Variants in GSAP observed in about 807,000 individuals in gnomAD.
GSAP encodes the protein gamma-secretase-activating protein.
GSAP carries 118 observed loss-of-function variants against 131.7 expected under a neutral mutation model. The ratio of observed to expected loss-of-function variants is 0.90; its 90% CI spans 0.77 to 1.04. GSAP has a LOEUF of 1.04. Ranked by LOEUF, GSAP falls within the 50% of genes least tolerant of loss-of-function variation. The pLI is 0.00. For missense variants in GSAP, 1,019 were observed against 1,013.2 expected, an observed-to-expected ratio of 1.01 and a Z score of -0.08; for synonymous variants, 381 against 363.4, an observed-to-expected ratio of 1.05 and a Z score of -0.55.
chr7:77,381,277 T>C (rs1350761737), intron 8 of GSAP, 28 bp downstream of exon 8: 3 of 1,407,088 alleles, frequency 2.1e-6, no homozygotes, highest in African/African-American at 1.5e-5. Context: ...AAAAAACCTA[T>C]GAAGCGAAAA....
intron 3 of GSAP, among the ~76,000 whole-genome samples, chr7:77,397,902 T>C (rs1489003067): frequency 6.6e-6 from 1 of 152,212 alleles, no homozygotes; most frequent in Non-Finnish European, 1.5e-5. Flanking sequence ...TCAGTAATCA[T>C]TAGTTTTCTT....
At chr7:77,319,171 T>C (rs1008698236) in intron 26 of GSAP, among the ~76,000 whole-genome samples, 14 of 152,114 alleles carry the variant, frequency 9.2e-5, no homozygotes, top group Admixed American at 3.9e-4. Flanking sequence ...AGAGTTAATA[T>C]CTAAAACATA....
intron 18 of GSAP, 56 bp downstream of exon 18, chr7:77,352,888 G>C: frequency 1.0e-6 from 1 of 1,003,912 alleles, no homozygotes; most frequent in Admixed American, 1.8e-5. Flanking sequence ...TCCAACAACT[G>C]ACCCACAACT....
At chr7:77,393,819 G>C (rs549155572) in intron 5 of GSAP, among the ~76,000 whole-genome samples, 1 of 151,784 alleles carries the variant, frequency 6.6e-6, no homozygotes. Flanking sequence ...GATTACAGGC[G>C]TGTGCCACCA....
At chr7:77,405,099 G>A (rs1583912881) in intron 2 of GSAP, among the ~76,000 whole-genome samples, 1 of 133,426 alleles carries the variant, frequency 7.5e-6, no homozygotes, top group Non-Finnish European at 1.8e-5. Context: ...GCTTATTATA[G>A]TAAAGTTAAA....
At chr7:77,351,673 G>T in intron 18 of GSAP, 1 of 985,780 alleles carries the variant, frequency 1.0e-6, no homozygotes, top group Non-Finnish European at 1.2e-6. Flanking sequence ...CACAATAGCT[G>T]CTCCACCCTG....
chr7:77,411,207 A>T (rs1803236365), intron 1 of GSAP, among the ~76,000 whole-genome samples: 1 of 152,106 alleles, frequency 6.6e-6, no homozygotes, highest in South Asian at 2.1e-4. Flanking sequence ...ATTATTCTTG[A>T]ATCAGTCACT....
chr7:77,379,189 A>C (rs759150323), intron 8 of GSAP, among the ~76,000 whole-genome samples: 4 of 152,058 alleles, frequency 2.6e-5, no homozygotes, highest in Non-Finnish European at 5.9e-5. Context: ...ACTAACAAGA[A>C]AATGAATGTC....
chr7:77,342,661 C>G (rs776192956), intron 19 of GSAP, among the ~76,000 whole-genome samples: 2 of 152,104 alleles, frequency 1.3e-5, no homozygotes, highest in Non-Finnish European at 2.9e-5. Context: ...ACCTAATCAC[C>G]CTTACACTGC....
intron 19 of GSAP, among the ~76,000 whole-genome samples, chr7:77,348,068 C>G (rs1313576967): frequency 6.6e-6 from 1 of 151,756 alleles, no homozygotes; most frequent in East Asian, 1.9e-4. Flanking sequence ...ACTCAGGAGG[C>G]TGAGACGGGA....
At chr7:77,390,637 G>T (rs191522311) in intron 5 of GSAP, among the ~76,000 whole-genome samples, 3 of 151,970 alleles carry the variant, frequency 2.0e-5, no homozygotes, top group African/African-American at 7.2e-5. Context: ...CTGTTCCATT[G>T]GTATATACCT....
At chr7:77,340,416 T>C (rs1478640686) in intron 19 of GSAP, among the ~76,000 whole-genome samples, 1 of 152,124 alleles carries the variant, frequency 6.6e-6, no homozygotes, top group African/African-American at 2.4e-5. Context: ...AGGAGACCGG[T>C]CCCCTGTGCT....
intron 23 of GSAP, among the ~76,000 whole-genome samples, chr7:77,325,696 G>A (rs773911707): frequency 6.6e-6 from 1 of 152,138 alleles, no homozygotes; most frequent in Non-Finnish European, 1.5e-5. Context: ...TCAGCCTCCT[G>A]AGTAGCTGAG....
chr7:77,381,239 T>C, intron 8 of GSAP, 66 bp downstream of exon 8: 2 of 771,696 alleles, frequency 2.6e-6, no homozygotes, highest in Non-Finnish European at 2.2e-6. Context: ...TCTTTAGCAG[T>C]CTAGTAATGT....
At chr7:77,354,126 C>T (rs896773264) in intron 16 of GSAP, among the ~76,000 whole-genome samples, 3 of 152,176 alleles carry the variant, frequency 2.0e-5, no homozygotes, top group African/African-American at 7.2e-5. Context: ...CATCAACTCG[C>T]TCATCTCCAT....
At chr7:77,349,981 T>C (rs970940174) in intron 18 of GSAP, among the ~76,000 whole-genome samples, 24 of 152,026 alleles carry the variant, frequency 1.6e-4, no homozygotes, top group Admixed American at 1.4e-3. Flanking sequence ...GTATGTTTAT[T>C]GCGGCATTAT....
chr7:77,335,785 G>A (rs941491072), intron 19 of GSAP, among the ~76,000 whole-genome samples: 2 of 152,204 alleles, frequency 1.3e-5, no homozygotes, highest in Non-Finnish European at 2.9e-5. Context: ...CCAACTCAAA[G>A]AGAACCCTTT....
intron 19 of GSAP, among the ~76,000 whole-genome samples, chr7:77,334,032 TGGAA>T (rs1234943406): frequency 6.6e-6 from 1 of 152,198 alleles, no homozygotes; most frequent in Non-Finnish European, 1.5e-5. Context: ...GACCTAGAAC[TGGAA>T]GTATTATACC....
intron 5 of GSAP, among the ~76,000 whole-genome samples, chr7:77,394,136 C>G (rs1800001346): frequency 6.6e-6 from 1 of 152,212 alleles, no homozygotes; most frequent in South Asian, 2.1e-4. Flanking sequence ...TTTTATGAAG[C>G]AAGTTAGATC....
Sources: allele counts gnomAD v4.1 joint callset (sites outside exome capture counted in the v4.1 genomes callset), GRCh38; gene constraint gnomAD v4.1.1; transcripts MANE v1.5; gene names NCBI Gene and HGNC (gene_info 2026-07-23, HGNC 2026-07-21).